Variants in GTF2E1 observed in about 807,000 individuals in gnomAD.
The protein encoded by GTF2E1 is general transcription factor IIE subunit 1, also known as TFIIE alpha subunit.
Under a neutral mutation model 34.9 loss-of-function variants are expected in GTF2E1, and 14 were observed. The observed-to-expected ratio is 0.40, with a 90% confidence interval of 0.27 to 0.63. The LOEUF (loss-of-function observed/expected upper bound fraction) is 0.63. Ranked by LOEUF, GTF2E1 falls within the 20% of genes least tolerant of loss-of-function variation. The pLI is 0.39. For missense variants in GTF2E1, 469 were observed against 557.7 expected (o/e 0.84, Z 1.60); for synonymous variants, 188 against 192.9 (o/e 0.97, Z 0.21).
rs1380003010 is a variant in GTF2E1 at position 120,776,820 on chromosome 3, C to G, written c.892+156C>G. ...AGAAATTGAACAATAAGATAAAAAC[C>G]AACTAGTATACTTCCATTGCCCTTC... On this transcript the variant is annotated intron_variant, in intron 4 of 4. Coordinates refer to ENST00000283875, the MANE Select transcript of GTF2E1 (RefSeq NM_005513.3). Among the ~76,000 whole-genome samples the G allele has an allele frequency of 3.3e-5, 5 of 152,118 alleles. No individual in the cohort carries two copies. In the East Asian group the frequency reaches 9.6e-4, roughly 29 times the overall value.
intron 2 of GTF2E1, among the ~76,000 whole-genome samples, chr3:120,752,013 T>TA (rs982241812): frequency 6.6e-6 from 1 of 152,102 alleles, no homozygotes; most frequent in Admixed American, 6.5e-5. Context: ...TTTAAATAAT[T>TA]AAAAAAAATT....
At chr3:120,751,058 A>T in intron 2 of GTF2E1, 58 bp downstream of exon 2, 1 of 1,037,576 alleles carries the variant, frequency 9.6e-7, no homozygotes, top group Admixed American at 2.4e-5. Context: ...CTTTTTTCTT[A>T]AATTGATTCA....
chr3:120,749,279 T>C (rs1409313548), intron 1 of GTF2E1, among the ~76,000 whole-genome samples: 1 of 152,116 alleles, frequency 6.6e-6, no homozygotes, highest in East Asian at 1.9e-4. Flanking sequence ...GGCCAGAACT[T>C]CCAACACTAT....
chr3:120,771,047 T>TAC, intron 3 of GTF2E1, 118 bp downstream of exon 3: 1 of 809,562 alleles, frequency 1.2e-6, no homozygotes, highest in Non-Finnish European at 2.1e-6. Context: ...ACTGTAATGT[T>TAC]ACGTAGGTTC....
intron 2 of GTF2E1, among the ~76,000 whole-genome samples, chr3:120,758,302 G>A (rs761818084): frequency 1.1e-4 from 16 of 152,088 alleles, no homozygotes; most frequent in Non-Finnish European, 2.2e-4. Flanking sequence ...TGTCATAACA[G>A]AGAAACTACG....
intron 2 of GTF2E1, among the ~76,000 whole-genome samples, chr3:120,762,968 T>C (rs1029235606): frequency 5.9e-5 from 9 of 152,204 alleles, no homozygotes; most frequent in Non-Finnish European, 1.0e-4. Context: ...TTTAGAAGCC[T>C]TGGTTAGGAA....
At chr3:120,767,935 TTC>T (rs71938780) in intron 2 of GTF2E1, among the ~76,000 whole-genome samples, 29,877 of 152,046 alleles carry the variant, frequency 0.2, 3,484 homozygotes, top group East Asian at 0.36. Flanking sequence ...ATTAGTGTTG[TTC>T]TCTTTCTCTC....
intron 3 of GTF2E1, among the ~76,000 whole-genome samples, chr3:120,772,211 C>CT (rs1268117414): frequency 3.3e-5 from 5 of 152,106 alleles, no homozygotes; most frequent in South Asian, 2.1e-4. Flanking sequence ...CTAGGATACT[C>CT]TATTTATCCC....
chr3:120,778,484 A>G (rs892301317), intron 4 of GTF2E1, among the ~76,000 whole-genome samples: 7 of 152,178 alleles, frequency 4.6e-5, no homozygotes, highest in African/African-American at 1.7e-4. Flanking sequence ...TCATGTTCTC[A>G]TTACTATACT....
At chr3:120,756,633 A>G (rs1462264680) in intron 2 of GTF2E1, among the ~76,000 whole-genome samples, 2 of 152,132 alleles carry the variant, frequency 1.3e-5, no homozygotes, top group Admixed American at 1.3e-4. Context: ...ACTTTTTTAA[A>G]AAAACATTTT....
chr3:120,743,410 G>A (rs2107602863), intron 1 of GTF2E1, among the ~76,000 whole-genome samples: 1 of 152,336 alleles, frequency 6.6e-6, no homozygotes, highest in Admixed American at 6.5e-5. Context: ...AAACAAGAGT[G>A]GAGGAAGTGA....
Position 120,775,206 on chromosome 3 carries a change from A to C in GTF2E1, c.651-1217A>C, listed in dbSNP as rs1239332186. Among the ~76,000 whole-genome samples the C allele has an allele frequency of 7.9e-5, 12 of 152,304 alleles. No homozygotes were observed. The Middle Eastern group carries it at 0.017, about 216-fold the overall frequency. ...GACAAAAGTGAAGGCAAAATAGTGA[A>C]TGGCTTAGGAGGAAAGACTAATGAA... On this transcript the variant is annotated intron_variant, in intron 3 of 4. Transcript: ENST00000283875.
In GTF2E1 at chr3:120,781,025, C is replaced by G; in HGVS notation, c.893-18C>G. The stretch of plus-strand genomic sequence containing the variant: ...ATTTATATTTAAGGATATTGACTTT[C>G]TGAGTTTTACTCCCCAGGGGGCATA... On this transcript the variant is annotated intron_variant, in intron 4 of 4. Coordinates refer to ENST00000283875, the MANE Select transcript of GTF2E1 (RefSeq NM_005513.3). The G allele has an allele frequency of 6.4e-7, 1 of 1,554,932 alleles. No individual in the cohort carries two copies. Among genetic ancestry groups the G allele is most frequent in the Non-Finnish European group, 8.8e-7 (1 of 1,142,166 alleles).
intron 2 of GTF2E1, among the ~76,000 whole-genome samples, chr3:120,755,388 G>C (rs2107606795): frequency 6.6e-6 from 1 of 152,194 alleles, no homozygotes; most frequent in East Asian, 1.9e-4. Context: ...CTCTATTTGT[G>C]AGACTTGATT....
chr3:120,751,118 T>C, intron 2 of GTF2E1, 118 bp downstream of exon 2: 1 of 661,532 alleles, frequency 1.5e-6, no homozygotes, highest in Non-Finnish European at 2.5e-6. Context: ...AATGGATCAG[T>C]GTAAATCACA....
Position 120,781,190 on chromosome 3 carries a change from C to T in GTF2E1, c.1040C>T (p.Thr347Ile). The change falls in exon 5 of 5, where the codon ACC becomes ATC. Residue 347 changes from threonine (T) to isoleucine (I), a missense_variant. Coordinates refer to ENST00000283875, the MANE Select transcript of GTF2E1 (RefSeq NM_005513.3). ...AGSVGAAAPV[T>I]AANGSDSESE... is the part of the protein sequence containing the mutation. ...TCAGTGGGGGCAGCTGCTCCAGTGA[C>T]CGCTGCCAATGGCAGTGACTCAGAA... 1 of 1,614,112 alleles carries T rather than the reference C, an allele frequency of 6.2e-7. No homozygotes were observed. The highest frequency in any genetic ancestry group is 1.1e-5 in the South Asian group (1 of 91,076).
intron 1 of GTF2E1, among the ~76,000 whole-genome samples, chr3:120,748,511 C>G (rs1389184388): frequency 6.6e-6 from 1 of 152,166 alleles, no homozygotes; most frequent in Non-Finnish European, 1.5e-5. Flanking sequence ...ATAGGGAATC[C>G]TTTCCCCATT....
chr3:120,777,693 C>G (rs956679608), intron 4 of GTF2E1, among the ~76,000 whole-genome samples: 2 of 152,108 alleles, frequency 1.3e-5, no homozygotes, highest in Non-Finnish European at 2.9e-5. Flanking sequence ...CCAAGGCAAC[C>G]ATACTTTACC....
intron 2 of GTF2E1, among the ~76,000 whole-genome samples, chr3:120,754,372 A>T (rs1709191027): frequency 6.6e-6 from 1 of 152,186 alleles, no homozygotes; most frequent in South Asian, 2.1e-4. Flanking sequence ...ATCATAGCTT[A>T]GAATAGTTTA....
Sources: gnomAD v4.1 joint callset for allele counts (sites outside exome capture counted in the v4.1 genomes callset) on GRCh38, gnomAD v4.1.1 for gene constraint, MANE v1.5 for transcripts, NCBI Gene and HGNC (gene_info 2026-07-23, HGNC 2026-07-21) for gene names.